Variants in MACF1 observed in about 807,000 individuals in gnomAD.
MACF1 encodes the protein microtubule actin crosslinking factor 1, also known as microtubule-actin cross-linking factor 1.
In MACF1, 193 loss-of-function variants were observed where a neutral mutation model predicts 854.8. That is an observed-to-expected ratio of 0.23 (90% confidence interval 0.20 to 0.25). The LOEUF (loss-of-function observed/expected upper bound fraction) is 0.25. Among genes scored for constraint, MACF1 ranks in the 10% least tolerant of loss-of-function variants. The probability of loss-of-function intolerance (pLI) is 1.00; values close to 1 mark genes in which losing one functional copy is unlikely to be tolerated. For missense variants in MACF1, 7,722 were observed against 8,929.1 expected, an observed-to-expected ratio of 0.86 and a Z score of 5.45; for synonymous variants, 3,185 against 3,226.7, an observed-to-expected ratio of 0.99 and a Z score of 0.44.
chr1:39,332,801 T>G lies in MACF1; in HGVS notation c.6213T>G (p.Asp2071Glu), dbSNP rs1234225929. ...KGKKTTVETEDSSVENPEQDL... is the reference protein window; with the variant it reads ...KGKKTTVETEESSVENPEQDL... ...AAAAGACCACTGTAGAAACAGAAGATTCTTCTGTAGAGAACCCTGAACAGG... is the reference window on the plus strand; with the variant it reads ...AAAAGACCACTGTAGAAACAGAAGAGTCTTCTGTAGAGAACCCTGAACAGG... Residue 2071 changes from aspartate (D) to glutamate (E), a missense_variant, in exon 37 of 101, where the codon GAT becomes GAG. Physicochemically the swap from Asp to Glu is conservative, Grantham distance 45. Around this residue, in one of 15 missense-constraint regions of MACF1, gnomAD observed 1,531 missense variants for 1,601.6 expected, o/e 0.96. Transcript: ENST00000564288. 6.2e-7 allele frequency: 1 copy of G among 1,614,012 alleles called. No homozygotes were observed. The highest frequency in any genetic ancestry group is 8.5e-7 in the Non-Finnish European group (1 of 1,180,022).
rs184764360 is a variant in MACF1 at position 39,356,053 on chromosome 1, C to G, written c.11425-1322C>G. 1.6e-4 allele frequency among the ~76,000 whole-genome samples: 24 copies of G among 152,260 alleles called. No homozygotes were observed. In the East Asian group the frequency reaches 4.4e-3, roughly 28 times the overall value. On this transcript the variant is annotated intron_variant, in intron 44 of 100. Transcript: ENST00000564288. ...CTAGACGATGATCTGTAGTCCTTCT[C>G]TAAGTAGTGGCATAAACAGTATAGG...
intron 2 of MACF1, among the ~76,000 whole-genome samples, chr1:39,168,504 C>T (rs1643904638): frequency 1.3e-5 from 2 of 152,002 alleles, no homozygotes; most frequent in Admixed American, 6.6e-5. Flanking sequence ...TGTGTGTGTG[C>T]GTGTGTGTGG....
At position 39,287,333 on chromosome 1, in the gene MACF1, C is replaced by T; in HGVS notation, c.1556C>T (p.Thr519Ile). The T allele has an allele frequency of 3.1e-6, 5 of 1,614,148 alleles. No homozygotes were observed. The highest frequency in any genetic ancestry group is 4.2e-6 in the Non-Finnish European group (5 of 1,180,020). Reference protein sequence around the residue: ...DELVTLRLECTNLYRKGHFTS... With the variant: ...DELVTLRLECINLYRKGHFTS... ...CTGGTCACCTTGCGTCTAGAGTGTA[C>T]AAACCTGTACCGGAAGGGTCATTTC... Residue 519 changes from threonine (T) to isoleucine (I), a missense_variant, in exon 15 of 101, where the codon ACA (threonine) becomes ATA (isoleucine). Coordinates refer to ENST00000564288, the MANE Select transcript of MACF1 (RefSeq NM_001394062.1).
chr1:39,296,811 AAAGGAAGGAAGGAAGGAAGG>A (rs751164815), intron 20 of MACF1, among the ~76,000 whole-genome samples: 1 of 106,392 alleles, frequency 9.4e-6, no homozygotes, highest in Non-Finnish European at 1.8e-5. Flanking sequence ...GAAAAGAAAG[AAAGGAAGGAAGGAAGGAAGG>A]AAGGAAGGAA....
At chr1:39,249,682 A>G (rs1312844445) in intron 2 of MACF1, among the ~76,000 whole-genome samples, 2 of 152,162 alleles carry the variant, frequency 1.3e-5, no homozygotes. Flanking sequence ...TCGCCATGCT[A>G]TTACATTTTG....
upstream of MACF1, among the ~76,000 whole-genome samples, chr1:39,200,519 C>CA (rs1644376381): frequency 6.6e-6 from 1 of 151,722 alleles, no homozygotes; most frequent in Non-Finnish European, 1.5e-5. Flanking sequence ...CCCAACATGG[C>CA]AAAACCGTGT....
At position 39,309,586 on chromosome 1, in the gene MACF1, C is replaced by A; in HGVS notation, c.2806C>A (p.Gln936Lys). 1 of 1,614,148 alleles carries A rather than the reference C, an allele frequency of 6.2e-7. No individual in the cohort carries two copies. Among genetic ancestry groups the A allele is most frequent in the South Asian group, 1.1e-5 (1 of 91,078 alleles). ...EMASRVEQSY[Q>K]KVMALWHQLH... is the part of the protein sequence containing the mutation. ...TATTTCTAGGGTCGAACAATCTTATCAGAAGGTTATGGCCCTTTGGCATCA... is the reference window on the plus strand; with the variant it reads ...TATTTCTAGGGTCGAACAATCTTATAAGAAGGTTATGGCCCTTTGGCATCA... The change falls in exon 24 of 101, where the codon CAG (glutamine) becomes AAG (lysine). Residue 936 changes from glutamine to lysine, a missense_variant. By Grantham distance (53) the Gln-to-Lys change is moderately conservative. Coordinates refer to ENST00000564288, the MANE Select transcript of MACF1 (RefSeq NM_001394062.1).
intron 58 of MACF1, among the ~76,000 whole-genome samples, chr1:39,420,975 C>A (rs1353969571): frequency 6.6e-6 from 1 of 151,374 alleles, no homozygotes; most frequent in Non-Finnish European, 1.5e-5. Flanking sequence ...ACTCCATTCT[C>A]CTGCCTCAGC....
intron 35 of MACF1, among the ~76,000 whole-genome samples, 154 bp from the exon 36 acceptor site, chr1:39,327,064 A>C (rs537253123): frequency 3.3e-5 from 5 of 152,308 alleles, no homozygotes; most frequent in African/African-American, 1.2e-4. Flanking sequence ...GATTTGAGAT[A>C]AACAGAAGAA....
rs539433502 is a variant in MACF1 at position 39,303,409 on chromosome 1, G to T, written c.2789+331G>T. On this transcript the variant is annotated intron_variant, in intron 23 of 100. Coordinates refer to ENST00000564288, the MANE Select transcript of MACF1 (RefSeq NM_001394062.1). The stretch of plus-strand genomic sequence containing the variant: ...ATACTAAAAATACAAAAATTAGCTG[G>T]ATGTGGTGGTGCACGCCTGTAGTCC... 2.6e-5 allele frequency among the ~76,000 whole-genome samples: 4 copies of T among 152,206 alleles called. No individual in the cohort carries two copies. In the South Asian group the frequency reaches 8.3e-4, roughly 32 times the overall value.
At chr1:39,270,166 C>T (rs1472948971) in intron 6 of MACF1, among the ~76,000 whole-genome samples, 1 of 152,206 alleles carries the variant, frequency 6.6e-6, no homozygotes, top group Admixed American at 6.5e-5. Flanking sequence ...ACTTGCTCTT[C>T]CTCACAGGAG....
At position 39,358,879 on chromosome 1, in the gene MACF1, T is replaced by G; in HGVS notation, c.12120+6T>G. On this transcript the variant is annotated splice_donor_region_variant and intron_variant, in intron 46 of 100. Transcript: ENST00000564288. ...AGCAGCTTGCAACAACAAAGGTAAG[T>G]CAGGACACAGGCTGTGTTGTGGTGT... 1 of 1,604,594 alleles carries G rather than the reference T, an allele frequency of 6.2e-7. No homozygotes were observed. The highest frequency in any genetic ancestry group is 8.5e-7 in the Non-Finnish European group (1 of 1,176,942).
intron 2 of MACF1, among the ~76,000 whole-genome samples, chr1:39,124,007 C>T (rs897211237): frequency 8.6e-5 from 13 of 150,558 alleles, no homozygotes; most frequent in Non-Finnish European, 1.5e-4. Flanking sequence ...TCTCAAAGTG[C>T]GGGATTACAG....
intron 2 of MACF1, among the ~76,000 whole-genome samples, chr1:39,160,958 G>T (rs1180558419): frequency 6.6e-6 from 1 of 152,156 alleles, no homozygotes; most frequent in Non-Finnish European, 1.5e-5. Flanking sequence ...TCTTGGCATG[G>T]TTCAGCTTGT....
In MACF1 at chr1:39,340,616, C is replaced by G. The variant is rs1349689732; in HGVS notation, c.10330C>G (p.Leu3444Val). ...AGTTCCTGCTCAACTGTTGAAGGCT[C>G]TAGAGAAAGATGCCAAGAATCTTCA... ...QEVPAQLLKA[L>V]EKDAKNLQKS... Residue 3444 changes from leucine (L) to valine (V), a missense_variant, in exon 39 of 101, where the codon CTA (leucine) becomes GTA (valine). Coordinates refer to ENST00000564288, the MANE Select transcript of MACF1 (RefSeq NM_001394062.1). The G allele has an allele frequency of 1.9e-6, 3 of 1,614,048 alleles. No individual in the cohort carries two copies. The highest frequency in any genetic ancestry group is 2.2e-5 in the East Asian group (1 of 44,898).
intron 95 of MACF1, among the ~76,000 whole-genome samples, chr1:39,467,162 C>G (rs993670095): frequency 1.3e-5 from 2 of 152,052 alleles, no homozygotes; most frequent in South Asian, 2.1e-4. Context: ...GTCAGGAGAT[C>G]GAGACTAACC....
intron 21 of MACF1, chr1:39,299,312 G>A: frequency 4.4e-6 from 2 of 455,900 alleles, no homozygotes; most frequent in Non-Finnish European, 8.8e-6. Context: ...GTTCTTTAAT[G>A]GCATTTCCTA....
chr1:39,372,533 A>G lies in MACF1; in HGVS notation c.13150A>G (p.Lys4384Glu). 1 of 1,613,954 alleles carries G rather than the reference A, an allele frequency of 6.2e-7. No individual in the cohort carries two copies. The highest frequency in any genetic ancestry group is 1.1e-5 in the South Asian group (1 of 91,070). ...AACTCTGGTGGAAGAAATCAATTGC[A>G]AAGGTACTTCTTTAGAAAATCTCAT... ...KGTLVEEINCKGTSLENLIME... is the reference protein window; with the variant it reads ...KGTLVEEINCEGTSLENLIME... The change falls in exon 52 of 101, where the codon AAA becomes GAA. Residue 4384 changes from lysine to glutamate, a missense_variant. Lys to Glu is a moderately conservative substitution (Grantham distance 56, BLOSUM62 1). Coordinates refer to ENST00000564288, the MANE Select transcript of MACF1 (RefSeq NM_001394062.1).
rs140802403 is a variant in MACF1 at position 39,477,250 on chromosome 1, C to T, written c.21959-2548C>T. ...GTTGTTGTTTTGGTTTTTGAGACAGCGTCTTAATTTCTCACCCAGGTTAGA... is the reference window on the plus strand; with the variant it reads ...GTTGTTGTTTTGGTTTTTGAGACAGTGTCTTAATTTCTCACCCAGGTTAGA... On this transcript the variant is annotated intron_variant, in intron 97 of 100. Coordinates refer to ENST00000564288, the MANE Select transcript of MACF1 (RefSeq NM_001394062.1). Among the ~76,000 whole-genome samples, 1,143 of 151,040 alleles carry T rather than the reference C, an allele frequency of 7.6e-3. 16 individuals carry two copies. The highest frequency in any genetic ancestry group is 0.027 in the African/African-American group (1,096 of 41,098).
Sources: allele counts gnomAD v4.1 joint callset (sites outside exome capture counted in the v4.1 genomes callset), GRCh38; gene constraint gnomAD v4.1.1; regional missense constraint gnomAD v4.1.1; transcripts MANE v1.5; gene names NCBI Gene and HGNC (gene_info 2026-07-23, HGNC 2026-07-21).